The following GTPBP10 variants were observed in gnomAD, a reference collection of about 807,000 sequenced individuals.
GTPBP10 encodes GTP binding protein 10.
GTPBP10 carries 38 observed loss-of-function variants against 44.8 expected under a neutral mutation model. That is an observed-to-expected ratio of 0.85 (90% CI 0.65 to 1.11). The LOEUF is 1.11. GTPBP10 is among the 50% of genes most tolerant of loss of function. The pLI is 0.00. For missense variants in GTPBP10, 462 were observed against 453.7 expected (o/e 1.02, Z -0.17); for synonymous variants, 152 against 150.6 (o/e 1.01, Z -0.07).
In GTPBP10 at chr7:90,385,343, G is replaced by T; in HGVS notation, c.*189G>T. ...GAGAGAATAGAATGGTGGTTATCAA[G>T]GGCTGGTGGGGCAGTGGAGGATTGA... On this transcript the variant is annotated 3_prime_UTR_variant, in exon 10 of 10. Transcript: ENST00000222511. 2.2e-6 allele frequency: 1 copy of T among 460,518 alleles called. No homozygotes were observed. The highest frequency in any genetic ancestry group is 4.0e-5 in the South Asian group (1 of 24,744). 28.5% of individuals were successfully genotyped at this position (460,518 alleles called of 1,614,324 possible).
At chr7:90,375,739 A>G (rs1302601216) in intron 6 of GTPBP10, among the ~76,000 whole-genome samples, 1 of 152,066 alleles carries the variant, frequency 6.6e-6, no homozygotes, top group African/African-American at 2.4e-5. Flanking sequence ...TTATTTATCT[A>G]CACTGGGCAA....
chr7:90,376,140 C>T (rs990941818), intron 6 of GTPBP10, among the ~76,000 whole-genome samples: 23 of 151,296 alleles, frequency 1.5e-4, no homozygotes, highest in Admixed American at 1.2e-3. Context: ...GAGGCTGAGG[C>T]GGGAGAATGG....
At chr7:90,350,303 T>C (rs1294996143) in intron 1 of GTPBP10, among the ~76,000 whole-genome samples, 2 of 152,238 alleles carry the variant, frequency 1.3e-5, no homozygotes, top group Non-Finnish European at 2.9e-5. Context: ...AGTCTATCAT[T>C]GATGGACATT....
In GTPBP10 at chr7:90,372,267, T is replaced by C. The variant is rs371912962; in HGVS notation, c.538+39T>C. ...GATTGTACATTTTAATGAGTGGAGG[T>C]AAACTTTTAAAGACTAATATTTCTC... On this transcript the variant is annotated intron_variant, in intron 5 of 9. Coordinates refer to ENST00000222511, the MANE Select transcript of GTPBP10 (RefSeq NM_033107.4). 2.8e-5 allele frequency: 35 copies of C among 1,242,434 alleles called. No homozygotes were observed. In the African/African-American group the frequency reaches 5.0e-4, roughly 18 times the overall value. 77.0% of individuals were successfully genotyped at this position (1,242,434 alleles called of 1,614,324 possible).
chr7:90,350,241 T>A (rs1429715573), intron 1 of GTPBP10, among the ~76,000 whole-genome samples: 2 of 152,198 alleles, frequency 1.3e-5, no homozygotes, highest in Non-Finnish European at 2.9e-5. Context: ...ACTCATCCTT[T>A]TTATGGCTGC....
chr7:90,367,067 G>A (rs1796148322), intron 4 of GTPBP10, among the ~76,000 whole-genome samples: 1 of 152,132 alleles, frequency 6.6e-6, no homozygotes, highest in Non-Finnish European at 1.5e-5. Context: ...TCAGGAGCAG[G>A]TTTTTCAGTT....
At position 90,385,534 on chromosome 7, in the gene GTPBP10, A is replaced by G. The variant is rs1309338483; in HGVS notation, c.*380A>G. On this transcript the variant is annotated 3_prime_UTR_variant, in exon 10 of 10. Coordinates refer to ENST00000222511, the MANE Select transcript of GTPBP10 (RefSeq NM_033107.4). ...AAAGCACATAAGGTAATGCACGTTA[A>G]TTAGCTATATTGAGCCATTCCACAA... is the stretch of plus-strand genomic sequence containing the variant. 1.9e-5 allele frequency: 3 copies of G among 158,906 alleles called. No individual in the cohort carries two copies. Among genetic ancestry groups the G allele is most frequent in the Non-Finnish European group, 4.1e-5 (3 of 72,552 alleles). The allele number at this position is 158,906 out of a possible 1,614,324, so 9.8% of individuals were successfully genotyped here.
At position 90,355,152 on chromosome 7, in the gene GTPBP10, C is replaced by A. The variant is rs1397497137; in HGVS notation, c.386C>A (p.Thr129Lys). 6.2e-7 allele frequency: 1 copy of A among 1,605,360 alleles called. No homozygotes were observed. The highest frequency in any genetic ancestry group is 8.5e-7 in the Non-Finnish European group (1 of 1,173,846). Residue 129 changes from threonine to lysine, a missense_variant, in exon 4 of 10, where the codon ACA becomes AAA. By Grantham distance (78) the Thr-to-Lys change is moderately conservative. Transcript: ENST00000222511. ...AQGGLGGKLL[T>K]NFLPLKGQKR... Reference sequence around the variant, plus strand: ...GGAGGTCTTGGTGGTAAATTACTTACAAATTTCTTACCATTGAAAGGCCAG... The same window carrying A: ...GGAGGTCTTGGTGGTAAATTACTTAAAAATTTCTTACCATTGAAAGGCCAG...
At chr7:90,359,839 C>G (rs972191219) in intron 4 of GTPBP10, among the ~76,000 whole-genome samples, 8 of 152,208 alleles carry the variant, frequency 5.3e-5, no homozygotes, top group Non-Finnish European at 1.0e-4. Flanking sequence ...GCCATTCTAA[C>G]TGGTGTGAGA....
Position 90,360,975 on chromosome 7 carries a change from G to C in GTPBP10, c.464+5745G>C, listed in dbSNP as rs191812563. Among the ~76,000 whole-genome samples, 66 of 152,116 alleles carry C rather than the reference G, an allele frequency of 4.3e-4. No homozygotes were observed. The East Asian group carries it at 0.012, about 28-fold the overall frequency. ...TGTATAAGAATGCTTGTGATTTTTGGACATTGATTTTGTATCCTGAGACTT... is the reference window on the plus strand; with the variant it reads ...TGTATAAGAATGCTTGTGATTTTTGCACATTGATTTTGTATCCTGAGACTT... On this transcript the variant is annotated intron_variant, in intron 4 of 9. Coordinates refer to ENST00000222511, the MANE Select transcript of GTPBP10 (RefSeq NM_033107.4).
intron 4 of GTPBP10, among the ~76,000 whole-genome samples, chr7:90,361,532 T>C (rs1796021113): frequency 6.6e-6 from 1 of 152,210 alleles, no homozygotes; most frequent in South Asian, 2.1e-4. Context: ...GGATTCAGTT[T>C]GCCAGTATTT....
chr7:90,352,112 G>C (rs902601876), intron 1 of GTPBP10, among the ~76,000 whole-genome samples: 1 of 152,190 alleles, frequency 6.6e-6, no homozygotes, highest in African/African-American at 2.4e-5. Flanking sequence ...AGGAAAAAAT[G>C]CCTAAACACT....
chr7:90,362,174 G>T (rs1040002582), intron 4 of GTPBP10, among the ~76,000 whole-genome samples: 2 of 151,886 alleles, frequency 1.3e-5, no homozygotes, highest in African/African-American at 4.8e-5. Context: ...CTTTCTGCTA[G>T]CTTTTGAATG....
At chr7:90,371,445 C>T (rs960102876) in intron 4 of GTPBP10, among the ~76,000 whole-genome samples, 1 of 152,070 alleles carries the variant, frequency 6.6e-6, no homozygotes, top group Non-Finnish European at 1.5e-5. Flanking sequence ...TAAAAACTGC[C>T]AATTTTTTGC....
chr7:90,346,923 T>TCC, intron 1 of GTPBP10, 149 bp downstream of exon 1: 2 of 848,112 alleles, frequency 2.4e-6, no homozygotes, highest in South Asian at 3.1e-5. Flanking sequence ...TAGTGGCGCT[T>TCC]TGTCAGTAAG....
At chr7:90,349,037 C>T (rs973770408) in intron 1 of GTPBP10, among the ~76,000 whole-genome samples, 6 of 152,206 alleles carry the variant, frequency 3.9e-5, no homozygotes, top group Non-Finnish European at 7.3e-5. Flanking sequence ...CCTTTACCCA[C>T]TTTCCCGCCG....
At chr7:90,347,102 C>G (rs1356482112) in intron 1 of GTPBP10, among the ~76,000 whole-genome samples, 1 of 151,924 alleles carries the variant, frequency 6.6e-6, no homozygotes, top group African/African-American at 2.4e-5. Context: ...TGTCCACAGC[C>G]TGTTTTTATA....
chr7:90,368,666 A>G (rs1251640800), intron 4 of GTPBP10, among the ~76,000 whole-genome samples: 2 of 152,152 alleles, frequency 1.3e-5, no homozygotes, highest in Non-Finnish European at 2.9e-5. Context: ...ACTTCTCTAC[A>G]CTGTTTATTC....
At chr7:90,370,111 G>A (rs1051120761) in intron 4 of GTPBP10, among the ~76,000 whole-genome samples, 7 of 151,852 alleles carry the variant, frequency 4.6e-5, no homozygotes, top group Non-Finnish European at 8.8e-5. Flanking sequence ...GAGTGAGAAT[G>A]CAAATTAGTA....
Sources: gnomAD v4.1 joint callset for allele counts (sites outside exome capture counted in the v4.1 genomes callset) on GRCh38, gnomAD v4.1.1 for gene constraint, MANE v1.5 for transcripts, NCBI Gene and HGNC (gene_info 2026-07-23, HGNC 2026-07-21) for gene names.